Variants in NR2C2 observed in about 807,000 individuals in gnomAD.
The protein encoded by NR2C2 is Nuclear hormone receptor TR4.
Under a neutral mutation model 62.9 loss-of-function variants are expected in NR2C2, and 6 were observed. The observed-to-expected ratio is 0.10, with a 90% CI of 0.05 to 0.19. The LOEUF is 0.19. Ranked by LOEUF, NR2C2 falls within the 10% of genes least tolerant of loss-of-function variation. The probability of loss-of-function intolerance (pLI) is 1.00; values close to 1 mark genes in which losing one functional copy is unlikely to be tolerated. For missense variants in NR2C2, 479 were observed against 762.7 expected, an observed-to-expected ratio of 0.63 and a Z score of 4.38; for synonymous variants, 272 against 273.8, an observed-to-expected ratio of 0.99 and a Z score of 0.07.
Position 15,034,754 on chromosome 3 carries a change from T to C in NR2C2, c.1317T>C (p.Ser439=), listed in dbSNP as rs1373507649. The C allele has an allele frequency of 1.7e-5, 27 of 1,613,736 alleles. No individual in the cohort carries two copies. The highest frequency in any genetic ancestry group is 2.3e-5 in the Non-Finnish European group (27 of 1,179,924). ...LGLAQCAQVM[S]LSTILAAIVN... Reference sequence around the variant, plus strand: ...TGGCCCAGTGTGCCCAGGTCATGAGTCTCTCCACCATCCTGGCTGCCATTG... The same window carrying C: ...TGGCCCAGTGTGCCCAGGTCATGAGCCTCTCCACCATCCTGGCTGCCATTG... The change falls in exon 11 of 14, where the codon AGT becomes AGC. Residue 439 remains serine (S), a synonymous_variant. Transcript: ENST00000425241.
intron 1 of NR2C2, among the ~76,000 whole-genome samples, chr3:14,963,744 T>A (rs903370995): frequency 5.9e-5 from 9 of 152,280 alleles, no homozygotes; most frequent in Admixed American, 2.0e-4. Context: ...TCGCATTTTT[T>A]AATAATGCTC....
chr3:14,996,280 T>G (rs1352658704), intron 1 of NR2C2, among the ~76,000 whole-genome samples: 2 of 152,214 alleles, frequency 1.3e-5, no homozygotes, highest in East Asian at 3.8e-4. Flanking sequence ...GTTTTTTAAT[T>G]TTTGTATATG....
chr3:15,001,401 C>T (rs1309883774), intron 1 of NR2C2, among the ~76,000 whole-genome samples: 2 of 126,336 alleles, frequency 1.6e-5, no homozygotes, highest in Non-Finnish European at 3.1e-5. Context: ...ATGGCGTGAT[C>T]TTGGCTCACT....
At position 14,992,727 on chromosome 3, in the gene NR2C2, G is replaced by T. The variant is rs77848410; in HGVS notation, c.-39-11149G>T. 3.9e-5 allele frequency among the ~76,000 whole-genome samples: 6 copies of T among 152,314 alleles called. No individual in the cohort carries two copies. The East Asian group carries it at 1.2e-3, about 29-fold the overall frequency. On this transcript the variant is annotated intron_variant, in intron 1 of 13. Coordinates refer to ENST00000425241, the MANE Select transcript of NR2C2 (RefSeq NM_001291694.2). Reference sequence around the variant, plus strand: ...AACATTTGTGTGTTCTGCAAGCGTGGTTACCTTTACAAAGGATGTGAAATG... The same window carrying T: ...AACATTTGTGTGTTCTGCAAGCGTGTTTACCTTTACAAAGGATGTGAAATG...
chr3:14,995,964 A>G (rs1183854301), intron 1 of NR2C2, among the ~76,000 whole-genome samples: 1 of 152,128 alleles, frequency 6.6e-6, no homozygotes, highest in Non-Finnish European at 1.5e-5. Flanking sequence ...GCCATTTTGT[A>G]TATCTTCTTT....
At chr3:14,986,651 A>G (rs2125348565) in intron 1 of NR2C2, among the ~76,000 whole-genome samples, 1 of 152,362 alleles carries the variant, frequency 6.6e-6, no homozygotes, top group Middle Eastern at 3.4e-3. Flanking sequence ...TTAGTGTCTG[A>G]TACTTTAAAA....
rs574330752 is a variant in NR2C2, at chr3:14,990,087, G to A, written c.-39-13789G>A. Among the ~76,000 whole-genome samples the A allele has an allele frequency of 3.5e-4, 54 of 152,276 alleles. No individual in the cohort carries two copies. In the South Asian group the frequency reaches 5.0e-3, roughly 14 times the overall value. Reference sequence around the variant, plus strand: ...CACTGGCACTGCAGCCTGAGTGACAGAGCCAGACCTTGTCTTTATTTAATA... The same window carrying A: ...CACTGGCACTGCAGCCTGAGTGACAAAGCCAGACCTTGTCTTTATTTAATA... On this transcript the variant is annotated intron_variant, in intron 1 of 13. Transcript: ENST00000425241.
At chr3:15,041,279 C>G (rs555142555) in intron 13 of NR2C2, among the ~76,000 whole-genome samples, 13 of 152,290 alleles carry the variant, frequency 8.5e-5, no homozygotes, top group South Asian at 8.3e-4. Context: ...GATTATTCCT[C>G]CTGAAATGCC....
chr3:15,027,781 A>G (rs2041864592), intron 7 of NR2C2, among the ~76,000 whole-genome samples: 1 of 151,826 alleles, frequency 6.6e-6, no homozygotes, highest in Non-Finnish European at 1.5e-5. Context: ...TACTTTTTGT[A>G]GAGACAGGGC....
At chr3:15,037,209 TTGTGTGTGTGTGTGTG>T (rs373045181) in intron 11 of NR2C2, among the ~76,000 whole-genome samples, 2 of 130,240 alleles carry the variant, frequency 1.5e-5, no homozygotes, top group Admixed American at 7.5e-5. Flanking sequence ...TGTTTTTTGT[TTGTGTGTGTGTGTGTG>T]TGTGTGTGTG....
intron 2 of NR2C2, among the ~76,000 whole-genome samples, chr3:15,009,832 A>AG (rs2041299941): frequency 6.6e-6 from 1 of 152,192 alleles, no homozygotes; most frequent in South Asian, 2.1e-4. Flanking sequence ...AGGTTCTAGG[A>AG]GAGTGTCCTT....
chr3:14,969,813 A>G (rs1302923798), intron 1 of NR2C2, among the ~76,000 whole-genome samples: 2 of 152,172 alleles, frequency 1.3e-5, no homozygotes, highest in Non-Finnish European at 2.9e-5. Context: ...TCTTTTTATC[A>G]ACAGGATTTA....
chr3:14,949,459 C>T (rs1369552353), intron 1 of NR2C2, among the ~76,000 whole-genome samples: 1 of 152,194 alleles, frequency 6.6e-6, no homozygotes. Context: ...TGTCCATTAT[C>T]CCACTTTGTT....
chr3:15,004,619 T>C (rs745340136), intron 2 of NR2C2: 2 of 1,611,540 alleles, frequency 1.2e-6, no homozygotes, highest in South Asian at 1.1e-5. Flanking sequence ...AGAAGGTAGG[T>C]GTATCAAGCT....
intron 1 of NR2C2, among the ~76,000 whole-genome samples, chr3:14,971,351 C>T (rs890812464): frequency 1.3e-5 from 2 of 151,670 alleles, no homozygotes; most frequent in Non-Finnish European, 2.9e-5. Flanking sequence ...CTCCTGACCC[C>T]AGGTGATCCA....
intron 11 of NR2C2, among the ~76,000 whole-genome samples, chr3:15,035,134 G>A (rs958625430): frequency 1.3e-5 from 2 of 152,078 alleles, no homozygotes; most frequent in Non-Finnish European, 2.9e-5. Flanking sequence ...TTTACAAAAA[G>A]TACAAGAAAT....
At chr3:15,034,545 G>T in intron 10 of NR2C2, 125 bp from the exon 11 acceptor site, 1 of 870,108 alleles carries the variant, frequency 1.1e-6, no homozygotes. Context: ...ATCCTGGATA[G>T]CACTTCAATA....
At chr3:14,984,213 G>C (rs937395664) in intron 1 of NR2C2, among the ~76,000 whole-genome samples, 6 of 152,140 alleles carry the variant, frequency 3.9e-5, no homozygotes, top group African/African-American at 1.4e-4. Flanking sequence ...AATGTTTGAA[G>C]TATCTCCAGT....
intron 1 of NR2C2, among the ~76,000 whole-genome samples, chr3:14,973,523 C>A (rs184625126): frequency 4.6e-5 from 7 of 152,240 alleles, no homozygotes; most frequent in African/African-American, 1.4e-4. Flanking sequence ...CATGAGCCAC[C>A]GTGCATGTCT....
Sources: gnomAD v4.1 joint callset for allele counts (sites outside exome capture counted in the v4.1 genomes callset) on GRCh38, gnomAD v4.1.1 for gene constraint, MANE v1.5 for transcripts, NCBI Gene and HGNC (gene_info 2026-07-23, HGNC 2026-07-21) for gene names.